RNF150: variants seen among roughly 807,000 people sequenced by gnomAD.
RNF150 encodes ring finger protein 150.
Under a neutral mutation model 39.3 loss-of-function variants are expected in RNF150, and 24 were observed. That is an observed-to-expected ratio of 0.61 (90% CI 0.44 to 0.86). RNF150 has a LOEUF of 0.86. Ranked by LOEUF, RNF150 falls within the 40% of genes least tolerant of loss-of-function variation. The probability of loss-of-function intolerance (pLI) is 0.00; values close to 1 mark genes in which losing one functional copy is unlikely to be tolerated. For synonymous variants in RNF150, 255 were observed against 227.3 expected, an observed-to-expected ratio of 1.12 and a Z score of -1.10; for missense variants, 502 against 587.8, an observed-to-expected ratio of 0.85 and a Z score of 1.51.
chr4:140,880,308 T>G lies in RNF150; in HGVS notation c.1199-11929A>C, dbSNP rs1462675459. Among the ~76,000 whole-genome samples the G allele has an allele frequency of 3.9e-5, 6 of 152,296 alleles. No individual in the cohort carries two copies. In the South Asian group the frequency reaches 1.2e-3, roughly 32 times the overall value. ...TGTGGTGTATTACACTGACTGATTT[T>G]TTTTTGTATACTGAATCATCCTTGC... is the stretch of plus-strand genomic sequence containing the variant. On this transcript the variant is annotated intron_variant, in intron 6 of 6. Transcript: ENST00000515673.
chr4:140,891,802 T>A (rs951101070), intron 6 of RNF150, among the ~76,000 whole-genome samples: 2 of 152,130 alleles, frequency 1.3e-5, no homozygotes, highest in Non-Finnish European at 2.9e-5. Flanking sequence ...GAGTGAGCAT[T>A]ACTGCCTGAA....
Position 141,194,717 on chromosome 4 carries a change from C to T in RNF150, c.-6+18077G>A, listed in dbSNP as rs113679142. Among the ~76,000 whole-genome samples the T allele has an allele frequency of 1.8e-3, 273 of 152,156 alleles. 2 individuals carry two copies. The highest frequency in any genetic ancestry group is 6.3e-3 in the African/African-American group (262 of 41,532). On this transcript the variant is annotated intron_variant, in intron 1 of 7. Coordinates refer to the RNF150 transcript ENST00000420921. The stretch of plus-strand genomic sequence containing the variant: ...AATATGAGTAGAATTAATGAAAGAA[C>T]TGGCATATAAATAGGCTGGCTTAGA...
At chr4:141,057,661 G>A (rs1737037742) in intron 1 of RNF150, among the ~76,000 whole-genome samples, 1 of 151,998 alleles carries the variant, frequency 6.6e-6, no homozygotes, top group South Asian at 2.1e-4. Context: ...CCTCCCAGTG[G>A]ACCTCCTTGG....
At chr4:140,877,643 C>T (rs1402038864) in intron 6 of RNF150, among the ~76,000 whole-genome samples, 1 of 152,190 alleles carries the variant, frequency 6.6e-6, no homozygotes, top group African/African-American at 2.4e-5. Flanking sequence ...GACCTAAATA[C>T]AGGCTCTGAC....
At chr4:141,012,212 G>A (rs1410242695) in intron 1 of RNF150, among the ~76,000 whole-genome samples, 1 of 152,214 alleles carries the variant, frequency 6.6e-6, no homozygotes, top group Non-Finnish European at 1.5e-5. Flanking sequence ...TTGGAGAACT[G>A]CCGGAAAGCA....
intron 6 of RNF150, among the ~76,000 whole-genome samples, chr4:140,870,232 C>T (rs560771551): frequency 2.8e-4 from 43 of 152,208 alleles, no homozygotes; most frequent in Middle Eastern, 6.8e-3. Flanking sequence ...TCCACAATTG[C>T]AGGAAGTTCA....
In RNF150 at chr4:140,865,931, A is replaced by T. The variant is rs1728691003; in HGVS notation, c.*2330T>A. The stretch of plus-strand genomic sequence containing the variant: ...ACTAAACTTAATACCAGTAATACTA[A>T]AATTTGTTTTGGGCAAAGCCGACTG... On this transcript the variant is annotated 3_prime_UTR_variant, in exon 7 of 7. Coordinates refer to ENST00000515673, the MANE Select transcript of RNF150 (RefSeq NM_020724.2). 6.6e-6 allele frequency: 1 copy of T among 152,208 alleles called. No individual in the cohort carries two copies. Among genetic ancestry groups the T allele is most frequent in the African/African-American group, 2.4e-5 (1 of 41,430 alleles). The allele number at this position is 152,208 out of a possible 1,614,324, so 9.4% of individuals were successfully genotyped here. A position where few individuals can be genotyped will look rare whatever the true frequency, so the allele number is the denominator to read the frequency against.
chr4:141,184,705 T>A (rs757443361), intron 1 of RNF150, among the ~76,000 whole-genome samples: 1 of 152,196 alleles, frequency 6.6e-6, no homozygotes, highest in African/African-American at 2.4e-5. Context: ...GGGGTCCAGA[T>A]TCAATTGTCT....
chr4:141,169,137 G>A (rs549306416), intron 1 of RNF150, among the ~76,000 whole-genome samples: 2 of 152,226 alleles, frequency 1.3e-5, no homozygotes, highest in African/African-American at 4.8e-5. Flanking sequence ...TTAGATCATG[G>A]GGGTGATTTC....
intron 1 of RNF150, among the ~76,000 whole-genome samples, chr4:140,996,526 C>T (rs528444917): frequency 1.8e-4 from 27 of 152,314 alleles, no homozygotes; most frequent in African/African-American, 6.3e-4. Context: ...GGGCATTTAA[C>T]CTGCAGCTTC....
chr4:141,202,213 G>C (rs1402102132), intron 1 of RNF150, among the ~76,000 whole-genome samples: 1 of 152,122 alleles, frequency 6.6e-6, no homozygotes, highest in Non-Finnish European at 1.5e-5. Context: ...TTCCGTCTCA[G>C]AATCCAAGGA....
At chr4:141,047,654 C>T (rs1394837842) in intron 1 of RNF150, among the ~76,000 whole-genome samples, 4 of 152,162 alleles carry the variant, frequency 2.6e-5, no homozygotes, top group South Asian at 4.1e-4. Context: ...CTTTATACCA[C>T]TGACTATGTT....
At chr4:141,040,568 C>G (rs1736319512) in intron 1 of RNF150, among the ~76,000 whole-genome samples, 2 of 152,032 alleles carry the variant, frequency 1.3e-5, no homozygotes, top group South Asian at 4.1e-4. Context: ...GATCAAATAA[C>G]TTATTGTCCA....
chr4:141,192,535 T>A (rs1728126948), intron 1 of RNF150, among the ~76,000 whole-genome samples: 1 of 152,078 alleles, frequency 6.6e-6, no homozygotes, highest in Non-Finnish European at 1.5e-5. Context: ...TGAGAAATAG[T>A]TTAGACAGGA....
At chr4:141,044,947 C>A (rs373893289) in intron 1 of RNF150, among the ~76,000 whole-genome samples, 4 of 152,168 alleles carry the variant, frequency 2.6e-5, no homozygotes, top group Non-Finnish European at 5.9e-5. Context: ...TTTTTCTTTA[C>A]GGAGTATTTA....
intron 1 of RNF150, among the ~76,000 whole-genome samples, chr4:141,010,528 T>A (rs73858477): frequency 0.076 from 11,562 of 152,278 alleles, 496 homozygotes; most frequent in Middle Eastern, 0.16. Flanking sequence ...TCAGGTATAC[T>A]TTAAGGTAAC....
At position 140,999,993 on chromosome 4, in the gene RNF150, A is replaced by AGCAG. The variant is rs1414434256; in HGVS notation, c.485-32121_485-32120insCTGC. On this transcript the variant is annotated intron_variant, in intron 1 of 6. Transcript: ENST00000515673. The stretch of plus-strand genomic sequence containing the variant: ...AGAAGAAGAAAAGAAGAAAAGAAGA[A>AGCAG]AAGAAGAAGAAGAAGAAGAAGAAGA... Among the ~76,000 whole-genome samples, 2 of 63,306 alleles carry AGCAG rather than the reference A, an allele frequency of 3.2e-5. 1 individual carries two copies. Among genetic ancestry groups the AGCAG allele is most frequent in the Non-Finnish European group, 7.0e-5 (2 of 28,708 alleles). The allele number at this position is 63,306 out of a possible 152,430, so 41.5% of individuals were successfully genotyped here.
chr4:140,951,539 G>T (rs990940715), intron 2 of RNF150, among the ~76,000 whole-genome samples: 84 of 95,774 alleles, frequency 8.8e-4, no homozygotes, highest in South Asian at 6.8e-3. Flanking sequence ...GTGGTTTTTT[G>T]TTGTTGTTGT....
intron 1 of RNF150, among the ~76,000 whole-genome samples, chr4:141,199,987 C>T (rs1009739258): frequency 1.3e-5 from 2 of 152,024 alleles, no homozygotes; most frequent in African/African-American, 2.4e-5. Context: ...TACATATTGA[C>T]AAGTGCTAAA....
Sources: gnomAD v4.1 joint callset for allele counts (sites outside exome capture counted in the v4.1 genomes callset) on GRCh38, gnomAD v4.1.1 for gene constraint, MANE v1.5 for transcripts, NCBI Gene and HGNC (gene_info 2026-07-23, HGNC 2026-07-21) for gene names.